SLC41A2: variants seen among roughly 807,000 people sequenced by gnomAD.
SLC41A2 encodes the protein SLC41A1-like 1.
Under a neutral mutation model 58.3 loss-of-function variants are expected in SLC41A2, and 32 were observed. The observed-to-expected ratio is 0.55, with a 90% confidence interval of 0.41 to 0.74. The LOEUF is 0.74. Among genes scored for constraint, SLC41A2 ranks in the 30% least tolerant of loss-of-function variants. The pLI, the probability that SLC41A2 is intolerant of heterozygous loss-of-function variation, is 0.00. For missense variants in SLC41A2, 514 were observed against 680.6 expected (o/e 0.76, Z 2.72); for synonymous variants, 190 against 235.0 (o/e 0.81, Z 1.75).
chr12:104,895,433 A>G, intron 3 of SLC41A2, 88 bp from the exon 4 acceptor site: 2 of 867,932 alleles, frequency 2.3e-6, no homozygotes, highest in Non-Finnish European at 3.7e-6. Context: ...CTTAAAGCCC[A>G]AAATAATTCT....
chr12:104,897,030 C>T (rs2045319742), intron 3 of SLC41A2, among the ~76,000 whole-genome samples: 1 of 152,098 alleles, frequency 6.6e-6, no homozygotes, highest in Non-Finnish European at 1.5e-5. Context: ...GTCATTTCTC[C>T]AACTTCTCCT....
At chr12:104,835,880 G>A (rs1191557649) in intron 10 of SLC41A2, among the ~76,000 whole-genome samples, 1 of 151,742 alleles carries the variant, frequency 6.6e-6, no homozygotes, top group Non-Finnish European at 1.5e-5. Flanking sequence ...GTCTTGCTCT[G>A]TTGCCCAGGC....
Position 104,866,381 on chromosome 12 carries a change from T to C in SLC41A2, c.1175+51A>G, listed in dbSNP as rs74596813. 3,057 of 1,427,218 alleles carry C rather than the reference T, an allele frequency of 2.1e-3. 35 individuals are homozygous for C. The highest frequency in any genetic ancestry group is 1.9e-3 in the East Asian group (79 of 40,586). The allele number at this position is 1,427,218 out of a possible 1,614,324, so 88.4% of individuals were successfully genotyped here. A position where few individuals can be genotyped will look rare whatever the true frequency, so the allele number is the denominator to read the frequency against. ...GAAGACACACAAAGACAGACAGACG[T>C]ACACACACACACACACACACACACA... On this transcript the variant is annotated intron_variant, in intron 7 of 10. Coordinates refer to ENST00000258538, the MANE Select transcript of SLC41A2 (RefSeq NM_001352171.3).
chr12:104,937,099 C>A (rs779242399), intron 1 of SLC41A2, among the ~76,000 whole-genome samples: 1 of 152,122 alleles, frequency 6.6e-6, no homozygotes, highest in Non-Finnish European at 1.5e-5. Context: ...CAGAGCAAGA[C>A]CCTGCCTCTA....
intron 2 of SLC41A2, among the ~76,000 whole-genome samples, chr12:104,917,993 T>G (rs2046407677): frequency 6.8e-6 from 1 of 147,494 alleles, no homozygotes; most frequent in Non-Finnish European, 1.5e-5. Flanking sequence ...AATAAATATA[T>G]ATATAAAATA....
chr12:104,939,362 T>A (rs1002304055), intron 1 of SLC41A2, among the ~76,000 whole-genome samples: 5 of 152,144 alleles, frequency 3.3e-5, no homozygotes, highest in African/African-American at 1.2e-4. Context: ...CACACCCAGC[T>A]AATTTTTAAA....
chr12:104,876,628 T>C (rs1274458732), intron 6 of SLC41A2, among the ~76,000 whole-genome samples: 2 of 152,224 alleles, frequency 1.3e-5, no homozygotes, highest in African/African-American at 4.8e-5. Flanking sequence ...AGATACTTGA[T>C]ATGATTTCAG....
intron 6 of SLC41A2, among the ~76,000 whole-genome samples, chr12:104,881,339 T>C (rs543932065): frequency 1.3e-5 from 2 of 152,364 alleles, no homozygotes; most frequent in African/African-American, 4.8e-5. Flanking sequence ...TGATCTTAGT[T>C]ATATCTTGCC....
intron 3 of SLC41A2, among the ~76,000 whole-genome samples, chr12:104,908,465 C>A (rs1181345693): frequency 6.6e-6 from 1 of 152,114 alleles, no homozygotes; most frequent in Admixed American, 6.6e-5. Flanking sequence ...TCTTGATTAC[C>A]TTTAGATACA....
Position 104,947,194 on chromosome 12 carries a change from C to CTTTTTTTTTTTTTTTTTTT in SLC41A2, c.-168+10893_-168+10894insAAAAAAAAAAAAAAAAAAA. On this transcript the variant is annotated intron_variant, in intron 1 of 10. Coordinates refer to ENST00000258538, the MANE Select transcript of SLC41A2 (RefSeq NM_001352171.3). ...CTGAATTTCTGGCTTTTATTTTTGT[C>CTTTTTTTTTTTTTTTTTTT]CTTTTTTTTTTTTTTTTTTTTTTTT... 1.9e-4 allele frequency among the ~76,000 whole-genome samples: 10 copies of CTTTTTTTTTTTTTTTTTTT among 53,668 alleles called. 4 individuals carry two copies. The highest frequency in any genetic ancestry group is 1.5e-4 in the African/African-American group (2 of 13,136). 35.2% of individuals were successfully genotyped at this position (53,668 alleles called of 152,430 possible). A position where few individuals can be genotyped will look rare whatever the true frequency, so the allele number is the denominator to read the frequency against.
chr12:104,814,195 G>A (rs900989044), intron 10 of SLC41A2, among the ~76,000 whole-genome samples: 1 of 152,120 alleles, frequency 6.6e-6, no homozygotes, highest in Non-Finnish European at 1.5e-5. Context: ...CTTGAGCCCA[G>A]GAGTTTGAGA....
At chr12:104,917,258 A>T (rs964934561) in intron 2 of SLC41A2, among the ~76,000 whole-genome samples, 78 of 150,884 alleles carry the variant, frequency 5.2e-4, no homozygotes, top group African/African-American at 1.7e-3. Flanking sequence ...AGAAATGCAA[A>T]TCAAAACCAC....
Position 104,802,846 on chromosome 12 carries a change from G to A in SLC41A2, c.*2306C>T, listed in dbSNP as rs1309963145. The A allele has an allele frequency of 1.3e-5, 2 of 152,058 alleles. No homozygotes were observed. Among genetic ancestry groups the A allele is most frequent in the Admixed American group, 6.6e-5 (1 of 15,246 alleles). 9.4% of individuals were successfully genotyped at this position (152,058 alleles called of 1,614,324 possible). A position where few individuals can be genotyped will look rare whatever the true frequency, so the allele number is the denominator to read the frequency against. ...TGGCTTCCTCTCAGTGAATTAGTTA[G>A]GTAGTTTTGGTACATTTGGAGGGTC... On this transcript the variant is annotated 3_prime_UTR_variant, in exon 11 of 11. Coordinates refer to ENST00000258538, the MANE Select transcript of SLC41A2 (RefSeq NM_001352171.3).
At chr12:104,957,772 T>C (rs1459148345) in intron 1 of SLC41A2, among the ~76,000 whole-genome samples, 4 of 152,198 alleles carry the variant, frequency 2.6e-5, no homozygotes, top group African/African-American at 9.6e-5. Context: ...CCAGCTCACC[T>C]TCAGCCATCA....
At chr12:104,821,108 T>G (rs2041619010) in intron 10 of SLC41A2, among the ~76,000 whole-genome samples, 1 of 152,228 alleles carries the variant, frequency 6.6e-6, no homozygotes, top group Admixed American at 6.5e-5. Flanking sequence ...CTATGTTTCT[T>G]CTGGCTGTAT....
chr12:104,948,541 T>C (rs1004039190), intron 1 of SLC41A2, among the ~76,000 whole-genome samples: 2 of 152,232 alleles, frequency 1.3e-5, no homozygotes, highest in African/African-American at 4.8e-5. Flanking sequence ...GTTCATCCTT[T>C]ACAGTTTAGA....
At chr12:104,952,182 T>A (rs1210856760) in intron 1 of SLC41A2, among the ~76,000 whole-genome samples, 2 of 152,198 alleles carry the variant, frequency 1.3e-5, no homozygotes, top group Non-Finnish European at 2.9e-5. Context: ...AGCAACGTCA[T>A]GTCTACTACT....
chr12:104,916,869 C>A (rs1272080648), intron 2 of SLC41A2, among the ~76,000 whole-genome samples: 1 of 151,614 alleles, frequency 6.6e-6, no homozygotes, highest in Non-Finnish European at 1.5e-5. Flanking sequence ...ACCATAAAAA[C>A]CCTAGAAGAA....
At chr12:104,806,568 G>A (rs957984521) in intron 10 of SLC41A2, among the ~76,000 whole-genome samples, 1 of 152,024 alleles carries the variant, frequency 6.6e-6, no homozygotes, top group Non-Finnish European at 1.5e-5. Context: ...ATAATCCTTT[G>A]GGTATATACC....
Sources: gnomAD v4.1 joint callset for allele counts (sites outside exome capture counted in the v4.1 genomes callset) on GRCh38, gnomAD v4.1.1 for gene constraint, MANE v1.5 for transcripts, NCBI Gene and HGNC (gene_info 2026-07-23, HGNC 2026-07-21) for gene names.